TANK: variants seen among roughly 807,000 people sequenced by gnomAD.
TANK encodes the protein TRAF family member associated NFKB activator.
TANK carries 15 observed loss-of-function variants against 43.6 expected under a neutral mutation model. The observed-to-expected ratio is 0.34, with a 90% CI of 0.23 to 0.53. The LOEUF is 0.53. Among genes scored for constraint, TANK ranks in the 20% least tolerant of loss-of-function variants. TANK has a pLI of 0.94. For missense variants in TANK, 417 were observed against 498.6 expected (o/e 0.84, Z 1.56); for synonymous variants, 162 against 178.2 (o/e 0.91, Z 0.73).
intron 1 of TANK, among the ~76,000 whole-genome samples, chr2:161,138,713 ACTT>A (rs1220168928): frequency 6.6e-6 from 1 of 152,232 alleles, no homozygotes; most frequent in Non-Finnish European, 1.5e-5. Context: ...ATGTCTAGTT[ACTT>A]CTTTTAAACA....
At chr2:161,141,433 A>T (rs571331045) in intron 1 of TANK, among the ~76,000 whole-genome samples, 138 of 152,144 alleles carry the variant, frequency 9.1e-4, no homozygotes, top group African/African-American at 3.2e-3. Flanking sequence ...TCAACCTGTC[A>T]TCTAGGTTTT....
intron 4 of TANK, among the ~76,000 whole-genome samples, chr2:161,208,875 C>G (rs149199457): frequency 6.6e-6 from 1 of 152,130 alleles, no homozygotes; most frequent in Non-Finnish European, 1.5e-5. Context: ...AAGCAAGTCA[C>G]TAAGTAGTGG....
intron 2 of TANK, among the ~76,000 whole-genome samples, chr2:161,183,086 C>G (rs1321192406): frequency 6.6e-6 from 1 of 152,146 alleles, no homozygotes; most frequent in Non-Finnish European, 1.5e-5. Context: ...TTATTAGCTT[C>G]TTCCTTAAAT....
chr2:161,147,769 C>T (rs917185510), intron 1 of TANK, among the ~76,000 whole-genome samples: 4 of 151,882 alleles, frequency 2.6e-5, no homozygotes, highest in African/African-American at 9.7e-5. Context: ...ATGTCCTCAC[C>T]TGTGACTTTC....
intron 4 of TANK, among the ~76,000 whole-genome samples, chr2:161,216,737 C>G (rs1199118001): frequency 1.3e-5 from 2 of 152,026 alleles, no homozygotes; most frequent in African/African-American, 4.8e-5. Context: ...TTGCCTTTAT[C>G]TTGGTTATGT....
At position 161,231,266 on chromosome 2, in the gene TANK, G is replaced by A; in HGVS notation, c.816G>A (p.Glu272=). Residue 272 remains glutamate, a synonymous_variant, in exon 7 of 8, where the codon GAG becomes GAA. Coordinates refer to ENST00000392749, the MANE Select transcript of TANK (RefSeq NM_001199135.3). ...EAVCQEKFNM[E]FRDNPGNFVK... is the part of the protein sequence containing the mutation. ...TGTGCCAAGAGAAATTTAATATGGA[G>A]TTCAGAGACAACCCAGGGAACTTTG... is the stretch of plus-strand genomic sequence containing the variant. 6.2e-7 allele frequency: 1 copy of A among 1,614,044 alleles called. No individual in the cohort carries two copies. The highest frequency in any genetic ancestry group is 8.5e-7 in the Non-Finnish European group (1 of 1,180,020).
At chr2:161,141,914 C>T (rs6432673) in intron 1 of TANK, among the ~76,000 whole-genome samples, 7,380 of 152,230 alleles carry the variant, frequency 0.048, 248 homozygotes, top group Middle Eastern at 0.099. Flanking sequence ...ACACTGTCTT[C>T]CACAATAGTT....
At chr2:161,172,713 A>G (rs1323430705) in intron 1 of TANK, among the ~76,000 whole-genome samples, 2 of 152,088 alleles carry the variant, frequency 1.3e-5, no homozygotes, top group Non-Finnish European at 2.9e-5. Flanking sequence ...TGCTAACTAG[A>G]ATGTAGATTC....
intron 4 of TANK, chr2:161,207,645 T>C (rs1422565577): frequency 1.0e-6 from 1 of 985,296 alleles, no homozygotes; most frequent in Non-Finnish European, 1.2e-6. Flanking sequence ...TACTGGCCCA[T>C]CAAGCAATGG....
intron 4 of TANK, among the ~76,000 whole-genome samples, chr2:161,218,581 C>G (rs1398456065): frequency 1.3e-5 from 2 of 152,174 alleles, no homozygotes; most frequent in African/African-American, 4.8e-5. Flanking sequence ...GTAGTCCCAG[C>G]TACTTCAGAG....
At chr2:161,154,806 G>A (rs1482295173) in intron 1 of TANK, among the ~76,000 whole-genome samples, 5 of 150,144 alleles carry the variant, frequency 3.3e-5, no homozygotes, top group African/African-American at 7.4e-5. Context: ...GTACAGTGGT[G>A]CCATCTCAGG....
intron 2 of TANK, among the ~76,000 whole-genome samples, chr2:161,181,905 G>A (rs770915701): frequency 1.3e-5 from 2 of 151,756 alleles, no homozygotes; most frequent in Non-Finnish European, 2.9e-5. Flanking sequence ...GAGATCTTAT[G>A]TTGGTTTTCC....
At chr2:161,166,455 G>T (rs1208097760) in intron 1 of TANK, among the ~76,000 whole-genome samples, 1 of 152,144 alleles carries the variant, frequency 6.6e-6, no homozygotes, top group African/African-American at 2.4e-5. Context: ...CTTTCTTCAG[G>T]TAAGGAAAAC....
At chr2:161,221,609 A>C (rs929484368) in intron 4 of TANK, among the ~76,000 whole-genome samples, 3 of 151,816 alleles carry the variant, frequency 2.0e-5, no homozygotes, top group African/African-American at 7.3e-5. Context: ...TTAACATGTT[A>C]TGCCCCATTC....
chr2:161,164,094 C>T (rs960767675), intron 1 of TANK, among the ~76,000 whole-genome samples: 1 of 152,126 alleles, frequency 6.6e-6, no homozygotes, highest in African/African-American at 2.4e-5. Context: ...CATTTATGGG[C>T]TACTATAGCA....
rs189332590 is a variant in TANK at position 161,188,864 on chromosome 2, C to G, written c.99+9103C>G. 2.1e-3 allele frequency among the ~76,000 whole-genome samples: 322 copies of G among 152,262 alleles called. 2 individuals are homozygous for G. Among genetic ancestry groups the G allele is most frequent in the African/African-American group, 7.5e-3 (312 of 41,554 alleles). On this transcript the variant is annotated intron_variant, in intron 2 of 7. Coordinates refer to ENST00000392749, the MANE Select transcript of TANK (RefSeq NM_001199135.3). ...TGATTAGGCCATGAGGTCTCTGCCC[C>G]CCATGGGCATAATTAATGCTGCTCC...
chr2:161,149,281 T>C (rs1314673387), intron 1 of TANK, among the ~76,000 whole-genome samples: 1 of 152,206 alleles, frequency 6.6e-6, no homozygotes, highest in African/African-American at 2.4e-5. Flanking sequence ...AATTTCCTTT[T>C]AAGAGGGTTC....
chr2:161,224,166 A>G (rs1411435521), intron 5 of TANK, among the ~76,000 whole-genome samples, 175 bp downstream of exon 5: 1 of 152,066 alleles, frequency 6.6e-6, no homozygotes, highest in African/African-American at 2.4e-5. Flanking sequence ...TCATGCAGTT[A>G]ATAGCAGAGC....
intron 2 of TANK, among the ~76,000 whole-genome samples, chr2:161,194,871 A>G (rs1453118475): frequency 2.0e-5 from 3 of 152,004 alleles, no homozygotes; most frequent in Admixed American, 6.5e-5. Flanking sequence ...CCCCAACAAC[A>G]TATATACTCT....
Sources: allele counts gnomAD v4.1 joint callset (sites outside exome capture counted in the v4.1 genomes callset), GRCh38; gene constraint gnomAD v4.1.1; transcripts MANE v1.5; gene names NCBI Gene and HGNC (gene_info 2026-07-23, HGNC 2026-07-21).